The following FAM210A variants were observed in gnomAD, a reference collection of about 807,000 sequenced individuals.
The protein encoded by FAM210A is family with sequence similarity 210 member A.
FAM210A carries 13 observed loss-of-function variants against 25.3 expected under a neutral mutation model. The ratio of observed to expected loss-of-function variants is 0.51; its 90% confidence interval spans 0.33 to 0.82. The LOEUF (loss-of-function observed/expected upper bound fraction) is 0.82. FAM210A is among the 40% of genes least tolerant of loss of function. The pLI, the probability that FAM210A is intolerant of heterozygous loss-of-function variation, is 0.02. For missense variants in FAM210A, 319 were observed against 323.2 expected, an observed-to-expected ratio of 0.99 and a Z score of 0.10; for synonymous variants, 125 against 118.7, an observed-to-expected ratio of 1.05 and a Z score of -0.35.
chr18:13,713,264 C>A (rs1039940038), intron 1 of FAM210A, among the ~76,000 whole-genome samples: 1 of 152,172 alleles, frequency 6.6e-6, no homozygotes, highest in Non-Finnish European at 1.5e-5. Context: ...TATGTTGATA[C>A]ACAAATTCAA....
intron 1 of FAM210A, among the ~76,000 whole-genome samples, chr18:13,721,598 G>T (rs894126712): frequency 6.6e-6 from 1 of 152,058 alleles, no homozygotes. Flanking sequence ...TTCCTACCAC[G>T]ATCGCCCTCA....
intron 1 of FAM210A, among the ~76,000 whole-genome samples, chr18:13,708,339 A>G (rs1232673518): frequency 3.9e-5 from 6 of 152,238 alleles, no homozygotes; most frequent in African/African-American, 1.4e-4. Context: ...CGGCACCTCC[A>G]TGTGCTTAGC....
At chr18:13,718,467 G>C (rs1469651761) in intron 1 of FAM210A, among the ~76,000 whole-genome samples, 8 of 151,854 alleles carry the variant, frequency 5.3e-5, no homozygotes, top group Non-Finnish European at 7.4e-5. Context: ...TACAGATAAA[G>C]AATGCAAGGA....
chr18:13,684,758 T>A (rs1489611882), intron 1 of FAM210A, among the ~76,000 whole-genome samples: 2 of 152,156 alleles, frequency 1.3e-5, no homozygotes, highest in African/African-American at 4.8e-5. Context: ...GAATACACAT[T>A]CCACTCAAGT....
chr18:13,679,763 CA>C (rs1400617953), intron 2 of FAM210A, among the ~76,000 whole-genome samples: 1 of 151,694 alleles, frequency 6.6e-6, no homozygotes, highest in East Asian at 1.9e-4. Flanking sequence ...AAGCATTCTG[CA>C]AAAAAGAGGG....
rs1601944110 is a variant in FAM210A, at chr18:13,676,661, T to G, written c.474-4688A>C. 2.0e-5 allele frequency among the ~76,000 whole-genome samples: 3 copies of G among 152,244 alleles called. No homozygotes were observed. The South Asian group carries it at 6.2e-4, about 31-fold the overall frequency. On this transcript the variant is annotated intron_variant, in intron 2 of 3. Coordinates refer to ENST00000651643, the MANE Select transcript of FAM210A (RefSeq NM_152352.4). ...GTTAATATATAATCTAGATTACAGT[T>G]TCCTAAATTGTCCCAGTATGTCCTT...
chr18:13,667,717 T>TCAAAA (rs996798394), intron 3 of FAM210A, among the ~76,000 whole-genome samples: 2 of 149,070 alleles, frequency 1.3e-5, no homozygotes, highest in South Asian at 2.1e-4. Flanking sequence ...AAGCTACCTC[T>TCAAAA]CAAAACAAAA....
At chr18:13,703,130 G>A (rs1170572606) in intron 1 of FAM210A, among the ~76,000 whole-genome samples, 1 of 152,170 alleles carries the variant, frequency 6.6e-6, no homozygotes, top group African/African-American at 2.4e-5. Flanking sequence ...CAACATCTAA[G>A]GCTCTGTACT....
chr18:13,723,209 T>C (rs2043910985), intron 1 of FAM210A, among the ~76,000 whole-genome samples: 2 of 152,214 alleles, frequency 1.3e-5, no homozygotes, highest in South Asian at 4.1e-4. Context: ...TACTCATTAC[T>C]GCCTTTGAAT....
intron 1 of FAM210A, among the ~76,000 whole-genome samples, chr18:13,694,170 G>C (rs2043673482): frequency 6.6e-6 from 1 of 152,184 alleles, no homozygotes. Context: ...ACTTACAAGG[G>C]ATGTGAAGGA....
At chr18:13,708,835 G>A (rs2043800713) in intron 1 of FAM210A, among the ~76,000 whole-genome samples, 1 of 142,248 alleles carries the variant, frequency 7.0e-6, no homozygotes. Flanking sequence ...CCTTTTCCTA[G>A]TTCAAATCTA....
intron 2 of FAM210A, among the ~76,000 whole-genome samples, chr18:13,675,214 T>C (rs1340767768): frequency 4.0e-5 from 6 of 149,594 alleles, no homozygotes; most frequent in African/African-American, 4.9e-5. Context: ...GAGCCCTGGC[T>C]TCTTTATTTC....
chr18:13,675,027 G>A (rs2043480582), intron 2 of FAM210A, among the ~76,000 whole-genome samples: 1 of 119,706 alleles, frequency 8.4e-6, no homozygotes. Flanking sequence ...CCTGAGCCCT[G>A]GCTTCTTTAT....
chr18:13,698,324 C>A (rs999544920), intron 1 of FAM210A, among the ~76,000 whole-genome samples: 2 of 133,420 alleles, frequency 1.5e-5, no homozygotes, highest in African/African-American at 5.6e-5. Context: ...TGCACTCCAG[C>A]CTGGGTGACA....
chr18:13,718,503 T>G (rs866589218), intron 1 of FAM210A, among the ~76,000 whole-genome samples: 2 of 152,066 alleles, frequency 1.3e-5, no homozygotes, highest in Non-Finnish European at 2.9e-5. Context: ...AACTTGTTCC[T>G]GATCACATAG....
At chr18:13,701,312 G>A (rs117959147) in intron 1 of FAM210A, among the ~76,000 whole-genome samples, 4,504 of 151,734 alleles carry the variant, frequency 0.03, 80 homozygotes, top group Middle Eastern at 0.061. Flanking sequence ...TTTGGAAATC[G>A]CAACAGAAAT....
intron 2 of FAM210A, among the ~76,000 whole-genome samples, chr18:13,678,552 A>G (rs1325911918): frequency 6.6e-6 from 1 of 152,160 alleles, no homozygotes; most frequent in Non-Finnish European, 1.5e-5. Context: ...AGCCTCCCAA[A>G]GTGCTGGGAT....
chr18:13,708,431 G>T (rs1383404613), intron 1 of FAM210A, among the ~76,000 whole-genome samples: 3 of 152,176 alleles, frequency 2.0e-5, no homozygotes, highest in Non-Finnish European at 4.4e-5. Flanking sequence ...GGAGGATGGT[G>T]GGGTGAGTCT....
At chr18:13,698,685 G>C (rs2149064295) in intron 1 of FAM210A, among the ~76,000 whole-genome samples, 1 of 152,212 alleles carries the variant, frequency 6.6e-6, no homozygotes, top group South Asian at 2.1e-4. Flanking sequence ...ACCATGTCAG[G>C]TAAAGGCCCA....
Sources: gnomAD v4.1 joint callset for allele counts (sites outside exome capture counted in the v4.1 genomes callset) on GRCh38, gnomAD v4.1.1 for gene constraint, MANE v1.5 for transcripts, NCBI Gene and HGNC (gene_info 2026-07-23, HGNC 2026-07-21) for gene names.